CREB5: variants seen among roughly 807,000 people sequenced by gnomAD.
The protein encoded by CREB5 is cAMP responsive element binding protein 5, also known as cyclic AMP-responsive element-binding protein 5.
CREB5 carries 19 observed loss-of-function variants against 57.1 expected under a neutral mutation model. The ratio of observed to expected loss-of-function variants is 0.33; its 90% confidence interval spans 0.23 to 0.49. The LOEUF (loss-of-function observed/expected upper bound fraction) is 0.49. Among genes scored for constraint, CREB5 ranks in the 20% least tolerant of loss-of-function variants. The pLI is 0.99. For synonymous variants in CREB5, 238 were observed against 238.3 expected, an observed-to-expected ratio of 1.00 and a Z score of 0.01; for missense variants, 579 against 671.6, an observed-to-expected ratio of 0.86 and a Z score of 1.52.
Position 28,607,735 on chromosome 7 carries a change from CTGTGTGTGTGTGTGTGTGTGTG to C in CREB5, c.464+37236_464+37257del, listed in dbSNP as rs573980917. On this transcript the variant is annotated intron_variant, in intron 5 of 10. Coordinates refer to ENST00000357727, the MANE Select transcript of CREB5 (RefSeq NM_182898.4). ...CAAAATAAGACCAGTGCCCACAGGG[CTGTGTGTGTGTGTGTGTGTGTG>C]TGTGTGTGTGTGTGTGTGTGTGTGT... Among the ~76,000 whole-genome samples, 136 of 129,278 alleles carry C rather than the reference CTGTGTGTGTGTGTGTGTGTGTG, an allele frequency of 1.1e-3. 1 individual carries two copies. The highest frequency in any genetic ancestry group is 2.4e-3 in the African/African-American group (80 of 33,188). The allele number at this position is 129,278 out of a possible 152,430, so 84.8% of individuals were successfully genotyped here. A position where few individuals can be genotyped will look rare whatever the true frequency, so the allele number is the denominator to read the frequency against.
intron 4 of CREB5, among the ~76,000 whole-genome samples, chr7:28,541,184 G>A (rs770881229): frequency 3.9e-5 from 6 of 152,162 alleles, no homozygotes; most frequent in African/African-American, 7.2e-5. Context: ...AATTAAGTAC[G>A]GATGAGAAGT....
intron 5 of CREB5, among the ~76,000 whole-genome samples, chr7:28,633,457 T>C (rs536226694): frequency 6.6e-6 from 1 of 152,264 alleles, no homozygotes; most frequent in Non-Finnish European, 1.5e-5. Context: ...TCTTGGGTTA[T>C]CAAGAGTTAC....
At chr7:28,648,673 T>C (rs1019608654) in intron 5 of CREB5, among the ~76,000 whole-genome samples, 1 of 152,036 alleles carries the variant, frequency 6.6e-6, no homozygotes, top group Non-Finnish European at 1.5e-5. Flanking sequence ...ACCCAAGAGA[T>C]TGAAGCTGCT....
At chr7:28,432,605 G>A (rs6949786) in intron 1 of CREB5, among the ~76,000 whole-genome samples, 50,216 of 151,924 alleles carry the variant, frequency 0.33, 8,687 homozygotes, top group South Asian at 0.43. Flanking sequence ...AAGTCTTAAC[G>A]CTGGAATTCA....
chr7:28,512,275 T>C (rs1191507281), intron 4 of CREB5, among the ~76,000 whole-genome samples: 1 of 152,174 alleles, frequency 6.6e-6, no homozygotes, highest in African/African-American at 2.4e-5. Flanking sequence ...GTACTTGAGA[T>C]TGGGTGGAGT....
chr7:28,651,719 C>T (rs914439539), intron 5 of CREB5, among the ~76,000 whole-genome samples: 1 of 152,190 alleles, frequency 6.6e-6, no homozygotes, highest in Non-Finnish European at 1.5e-5. Context: ...TATCCAAATG[C>T]ACCTATGTTT....
At chr7:28,468,508 G>C (rs569349998) in intron 1 of CREB5, among the ~76,000 whole-genome samples, 11 of 152,320 alleles carry the variant, frequency 7.2e-5, no homozygotes, top group African/African-American at 2.4e-4. Context: ...AGATCTGCTC[G>C]ACCAAGGATC....
chr7:28,525,292 A>G (rs548847136), intron 4 of CREB5, among the ~76,000 whole-genome samples: 7 of 152,234 alleles, frequency 4.6e-5, no homozygotes, highest in Non-Finnish European at 1.0e-4. Flanking sequence ...AATGTGGAAG[A>G]GCAGGTATCC....
At chr7:28,735,507 C>T (rs1803922203) in intron 7 of CREB5, among the ~76,000 whole-genome samples, 1 of 152,094 alleles carries the variant, frequency 6.6e-6, no homozygotes, top group Non-Finnish European at 1.5e-5. Context: ...TTATCATTAT[C>T]ATTGGGTGGG....
rs555693552 is a variant in CREB5, at chr7:28,303,368, A to G, written c.-25+3927A>G. ...ACCCAATAGAAAAACAAAGTAACATATGATTACATTTCATTTTACAAGATA... is the reference window on the plus strand; with the variant it reads ...ACCCAATAGAAAAACAAAGTAACATGTGATTACATTTCATTTTACAAGATA... On this transcript the variant is annotated intron_variant, in intron 1 of 9. Transcript: ENST00000396299. 1.3e-3 allele frequency among the ~76,000 whole-genome samples: 191 copies of G among 152,366 alleles called. 1 individual carries two copies. Among genetic ancestry groups the G allele is most frequent in the Non-Finnish European group, 2.0e-3 (136 of 68,034 alleles).
chr7:28,658,953 G>GTATATATATATATATATATATATGTA (rs1554281527), intron 5 of CREB5, among the ~76,000 whole-genome samples: 1 of 99,584 alleles, frequency 1.0e-5, no homozygotes, highest in Admixed American at 1.0e-4. Flanking sequence ...GTGTGTGTGT[G>GTATATATATATATATATATATATGTA]TATATATATA....
chr7:28,731,837 G>A (rs1293981013), intron 7 of CREB5, among the ~76,000 whole-genome samples: 1 of 152,158 alleles, frequency 6.6e-6, no homozygotes, highest in Non-Finnish European at 1.5e-5. Context: ...ATTCCCCGAA[G>A]GAATGGGCTC....
Position 28,507,575 on chromosome 7 carries a change from G to GA in CREB5, c.170-35dup, listed in dbSNP as rs764327382. The GA allele has an allele frequency of 9.8e-5, 153 of 1,565,652 alleles. No individual in the cohort carries two copies. In the African/African-American group the frequency reaches 1.9e-3, roughly 19 times the overall value. ...GCTCATGCTTGCTACTGGCTTTTGA[G>GA]AAAAAAGACCCATTTATGAGCTCTC... On this transcript the variant is annotated intron_variant, in intron 3 of 10. Transcript: ENST00000357727.
At chr7:28,804,552 T>C (rs1447843749) in intron 8 of CREB5, 30 bp downstream of exon 8, 1 of 1,606,718 alleles carries the variant, frequency 6.2e-7, no homozygotes, top group East Asian at 2.2e-5. Context: ...TCTTTCCCCT[T>C]CTTATTCTCC....
chr7:28,484,594 A>T (rs1791480929), intron 1 of CREB5, among the ~76,000 whole-genome samples: 1 of 152,208 alleles, frequency 6.6e-6, no homozygotes, highest in Non-Finnish European at 1.5e-5. Flanking sequence ...CTGCCATTCC[A>T]CTTGAAGACT....
rs558700356 is a variant in CREB5, at chr7:28,516,340, G to A, written c.291+8603G>A. Among the ~76,000 whole-genome samples the A allele has an allele frequency of 1.5e-4, 23 of 152,180 alleles. No individual in the cohort carries two copies. In the South Asian group the frequency reaches 4.8e-3, roughly 32 times the overall value. On this transcript the variant is annotated intron_variant, in intron 4 of 10. Transcript: ENST00000357727. ...AGAGAGATCGGTGTGGGACATAGTGGGTATAAAAAGGGGATAGTTTGGAAA... is the reference window on the plus strand; with the variant it reads ...AGAGAGATCGGTGTGGGACATAGTGAGTATAAAAAGGGGATAGTTTGGAAA...
rs751105115 is a variant in CREB5, at chr7:28,579,718, A to G, written c.464+9181A>G. 4.6e-5 allele frequency among the ~76,000 whole-genome samples: 7 copies of G among 152,324 alleles called. No individual in the cohort carries two copies. In the South Asian group the frequency reaches 1.2e-3, roughly 27 times the overall value. Reference sequence around the variant, plus strand: ...CACAGCACTTTACAGCTGACCTCCAATGTATTATTTTTAGTCTATGGAATG... The same window carrying G: ...CACAGCACTTTACAGCTGACCTCCAGTGTATTATTTTTAGTCTATGGAATG... On this transcript the variant is annotated intron_variant, in intron 5 of 10. Transcript: ENST00000357727.
intron 7 of CREB5, among the ~76,000 whole-genome samples, chr7:28,793,025 A>G (rs1402895175): frequency 1.3e-5 from 2 of 152,180 alleles, no homozygotes; most frequent in Non-Finnish European, 2.9e-5. Flanking sequence ...GACCACTAAT[A>G]GCAAGCCAAA....
At chr7:28,599,820 G>A (rs954859881) in intron 5 of CREB5, among the ~76,000 whole-genome samples, 2 of 151,998 alleles carry the variant, frequency 1.3e-5, no homozygotes, top group Non-Finnish European at 2.9e-5. Context: ...CACAATCTAA[G>A]AAGTCAGGGA....
Sources: allele counts gnomAD v4.1 joint callset (sites outside exome capture counted in the v4.1 genomes callset), GRCh38; gene constraint gnomAD v4.1.1; transcripts MANE v1.5; gene names NCBI Gene and HGNC (gene_info 2026-07-23, HGNC 2026-07-21).